Variants in TFEB observed in about 807,000 individuals in gnomAD.
TFEB encodes T-cell transcription factor EB.
In TFEB, 12 loss-of-function variants were observed where a neutral mutation model predicts 48.0. The observed-to-expected ratio is 0.25, with a 90% CI of 0.16 to 0.40. The LOEUF (loss-of-function observed/expected upper bound fraction) is 0.40. TFEB is among the 10% of genes least tolerant of loss of function. The pLI is 1.00. For missense variants in TFEB, 509 were observed against 640.3 expected, an observed-to-expected ratio of 0.79 and a Z score of 2.21; for synonymous variants, 244 against 261.4, an observed-to-expected ratio of 0.93 and a Z score of 0.64.
chr6:41,736,103 C>A, upstream of TFEB: 1 of 1,612,444 alleles, frequency 6.2e-7, no homozygotes, highest in Non-Finnish European at 8.5e-7. Flanking sequence ...CAGTAGAAGG[C>A]AGCCTGCCCC....
chr6:41,715,994 G>A (rs1332646937), intron 1 of TFEB, among the ~76,000 whole-genome samples: 1 of 152,146 alleles, frequency 6.6e-6, no homozygotes, highest in African/African-American at 2.4e-5. Flanking sequence ...AAAGCTGAGA[G>A]GTCTCCTACC....
intron 1 of TFEB, among the ~76,000 whole-genome samples, chr6:41,699,171 G>A (rs1335956701): frequency 4.6e-5 from 7 of 152,342 alleles, no homozygotes; most frequent in South Asian, 2.1e-4. Flanking sequence ...CTGGGGCCAC[G>A]TCTACCTCAT....
chr6:41,696,737 C>T (rs1295837695), intron 1 of TFEB, among the ~76,000 whole-genome samples: 1 of 152,074 alleles, frequency 6.6e-6, no homozygotes, highest in Non-Finnish European at 1.5e-5. Context: ...GTGGTACATC[C>T]ATACAATCAA....
At chr6:41,733,019 CTA>C in intron 1 of TFEB, 1 of 985,554 alleles carries the variant, frequency 1.0e-6, no homozygotes, top group Non-Finnish European at 1.2e-6. Flanking sequence ...GGTGGCTGGG[CTA>C]CTCCCTGTGG....
chr6:41,709,043 G>A (rs1770363823), intron 1 of TFEB, among the ~76,000 whole-genome samples: 1 of 152,214 alleles, frequency 6.6e-6, no homozygotes, highest in Non-Finnish European at 1.5e-5. Context: ...GTTGCTGGTA[G>A]CAAATGCCAG....
chr6:41,702,034 A>G (rs1410100196), intron 1 of TFEB, among the ~76,000 whole-genome samples: 1 of 151,934 alleles, frequency 6.6e-6, no homozygotes, highest in African/African-American at 2.4e-5. Flanking sequence ...CAGGTCTCTC[A>G]GGTATGTGAC....
chr6:41,695,104 C>T (rs1006498060), intron 1 of TFEB, among the ~76,000 whole-genome samples: 2 of 152,218 alleles, frequency 1.3e-5, no homozygotes, highest in Non-Finnish European at 2.9e-5. Flanking sequence ...ACTGGCTAGG[C>T]GACTTCAGAA....
intron 1 of TFEB, among the ~76,000 whole-genome samples, chr6:41,705,407 A>G (rs1189046815): frequency 1.3e-5 from 2 of 152,118 alleles, no homozygotes; most frequent in African/African-American, 4.8e-5. Flanking sequence ...CCTCCTCACC[A>G]GGTTGCTGGG....
At chr6:41,733,498 C>A (rs1167016178) in intron 1 of TFEB, 1 of 458,468 alleles carries the variant, frequency 2.2e-6, no homozygotes, top group Admixed American at 6.4e-5. Context: ...TGGCTTCCCT[C>A]GGGGAGAAGC....
intron 1 of TFEB, among the ~76,000 whole-genome samples, chr6:41,728,796 G>A (rs1044256628): frequency 8.5e-5 from 13 of 152,152 alleles, no homozygotes; most frequent in African/African-American, 2.7e-4. Flanking sequence ...ACAGGGCAGA[G>A]GCAGAGGGCT....
intron 4 of TFEB, 75 bp downstream of exon 4, chr6:41,689,656 T>A: frequency 8.3e-7 from 1 of 1,210,234 alleles, no homozygotes; most frequent in Non-Finnish European, 1.2e-6. Flanking sequence ...CTCCACTCTC[T>A]CCAGGCTCAG....
chr6:41,725,202 A>G (rs910768081), intron 1 of TFEB, among the ~76,000 whole-genome samples: 9 of 152,146 alleles, frequency 5.9e-5, no homozygotes, highest in African/African-American at 2.2e-4. Context: ...CCTCAACACC[A>G]GACACTCAGG....
At chr6:41,735,614 C>T (rs971644610), upstream of TFEB, 7 of 965,000 alleles carry the variant, frequency 7.3e-6, no homozygotes, top group Non-Finnish European at 8.6e-6. Context: ...TCCACGCACA[C>T]TTCCCTCCGC....
chr6:41,693,957 C>T (rs1443623751), intron 1 of TFEB, among the ~76,000 whole-genome samples: 11 of 151,178 alleles, frequency 7.3e-5, no homozygotes, highest in African/African-American at 2.7e-4. Context: ...CCCACCCCCT[C>T]GCAGCTGTAC....
In TFEB at chr6:41,691,441, C is replaced by T; in HGVS notation, c.-22-206G>A. On this transcript the variant is annotated intron_variant, in intron 1 of 8. Transcript: ENST00000373033. This position sits in a 1 kb window ranked among gnomAD's most constrained non-coding sequence, Gnocchi z 5.2. Reference sequence around the variant, plus strand: ...AATCCAAGTTTCCTGGTTCCTGGACCAAAACTGAAGGTTCTGTCTTCTTCA... The same window carrying T: ...AATCCAAGTTTCCTGGTTCCTGGACTAAAACTGAAGGTTCTGTCTTCTTCA... 1 of 720,264 alleles carries T rather than the reference C, an allele frequency of 1.4e-6. No individual in the cohort carries two copies. The highest frequency in any genetic ancestry group is 2.6e-6 in the Non-Finnish European group (1 of 389,180). 44.6% of individuals were successfully genotyped at this position (720,264 alleles called of 1,614,324 possible).
intron 1 of TFEB, among the ~76,000 whole-genome samples, chr6:41,709,024 C>T (rs1416855851): frequency 6.6e-6 from 1 of 152,176 alleles, no homozygotes; most frequent in African/African-American, 2.4e-5. Flanking sequence ...GTAGTGATGG[C>T]AACATTAGGT....
At position 41,686,363 on chromosome 6, in the gene TFEB, G is replaced by A. The variant is rs758167200; in HGVS notation, c.804-126C>T. ...TTACCCAGCAACCCCAGACCTGGAG[G>A]TGGAGGTGGCTGATCTCAGTTTGCA... On this transcript the variant is annotated intron_variant, in intron 7 of 8. Coordinates refer to ENST00000373033, the MANE Select transcript of TFEB (RefSeq NM_001271944.2). The A allele has an allele frequency of 2.2e-5, 28 of 1,279,856 alleles. No individual in the cohort carries two copies. The Admixed American group carries it at 6.3e-4, about 29-fold the overall frequency. 79.3% of individuals were successfully genotyped at this position (1,279,856 alleles called of 1,614,324 possible).
At chr6:41,715,932 G>A (rs1297260323) in intron 1 of TFEB, among the ~76,000 whole-genome samples, 1 of 152,034 alleles carries the variant, frequency 6.6e-6, no homozygotes, top group Non-Finnish European at 1.5e-5. Context: ...CGTGGTGCCT[G>A]GCTATAACAA....
chr6:41,726,419 C>A (rs960111409), intron 1 of TFEB, among the ~76,000 whole-genome samples: 1 of 152,160 alleles, frequency 6.6e-6, no homozygotes, highest in African/African-American at 2.4e-5. Context: ...GTTGTTTATT[C>A]ACCTGGGTGA....
Sources: allele counts gnomAD v4.1 joint callset (sites outside exome capture counted in the v4.1 genomes callset), GRCh38; gene constraint gnomAD v4.1.1; non-coding constraint Gnocchi (gnomAD v3.1); transcripts MANE v1.5; gene names NCBI Gene and HGNC (gene_info 2026-07-23, HGNC 2026-07-21).